CAMK1D: variants seen among roughly 807,000 people sequenced by gnomAD.
The protein encoded by CAMK1D is calcium/calmodulin-dependent protein kinase type 1D.
A neutral mutation model predicts 47.7 loss-of-function variants in CAMK1D; 9 were observed. The observed-to-expected ratio is 0.19, with a 90% CI of 0.11 to 0.33. The LOEUF (loss-of-function observed/expected upper bound fraction) is 0.33. Among genes scored for constraint, CAMK1D ranks in the 10% least tolerant of loss-of-function variants. The pLI is 1.00. For missense variants in CAMK1D, 291 were observed against 488.7 expected (o/e 0.60, Z 3.81); for synonymous variants, 184 against 184.9 (o/e 0.99, Z 0.04).
At chr10:12,629,772 A>G (rs1839323837) in intron 2 of CAMK1D, among the ~76,000 whole-genome samples, 3 of 152,242 alleles carry the variant, frequency 2.0e-5, no homozygotes, top group African/African-American at 7.2e-5. Flanking sequence ...TCCTCGTAGC[A>G]TCCTCAAAAG....
intron 1 of CAMK1D, among the ~76,000 whole-genome samples, chr10:12,541,390 G>C (rs1402118031): frequency 1.3e-5 from 2 of 152,170 alleles, no homozygotes; most frequent in Non-Finnish European, 2.9e-5. Context: ...TTAAGATGGA[G>C]TCTTGCTCTG....
At chr10:12,537,683 C>A (rs1395989032) in intron 1 of CAMK1D, among the ~76,000 whole-genome samples, 2 of 152,154 alleles carry the variant, frequency 1.3e-5, no homozygotes, top group Non-Finnish European at 2.9e-5. Context: ...GTGAGTGCCC[C>A]TGGAATTGTG....
intron 2 of CAMK1D, among the ~76,000 whole-genome samples, chr10:12,620,741 G>C (rs1182371776): frequency 6.6e-6 from 1 of 152,046 alleles, no homozygotes; most frequent in African/African-American, 2.4e-5. Flanking sequence ...CTCTTGATGG[G>C]GTCATTCACA....
chr10:12,650,534 C>T (rs569999876), intron 2 of CAMK1D, among the ~76,000 whole-genome samples: 1 of 152,182 alleles, frequency 6.6e-6, no homozygotes, highest in Non-Finnish European at 1.5e-5. Flanking sequence ...TTTATGAAGC[C>T]TAGGTTTGTG....
At chr10:12,760,730 G>A (rs945069399) in intron 3 of CAMK1D, 7 of 511,484 alleles carry the variant, frequency 1.4e-5, no homozygotes, top group Admixed American at 6.3e-5. Context: ...TCCGTGGATC[G>A]TGTTTTTTTA....
intron 2 of CAMK1D, among the ~76,000 whole-genome samples, chr10:12,606,608 G>A (rs1371804388): frequency 6.6e-6 from 1 of 152,100 alleles, no homozygotes. Context: ...CTAGAACCAG[G>A]GGTTGCACGT....
chr10:12,490,776 C>T (rs1004783922), intron 1 of CAMK1D, among the ~76,000 whole-genome samples: 3 of 152,068 alleles, frequency 2.0e-5, no homozygotes, highest in Admixed American at 6.5e-5. Context: ...ACCCAGGAGG[C>T]GGAGGTTGCA....
intron 3 of CAMK1D, among the ~76,000 whole-genome samples, chr10:12,699,667 GA>G (rs1406793996): frequency 6.7e-6 from 1 of 150,206 alleles, no homozygotes; most frequent in African/African-American, 2.5e-5. Context: ...AAAACAAGAT[GA>G]TTTTTTTTTT....
intron 1 of CAMK1D, among the ~76,000 whole-genome samples, chr10:12,451,614 A>G (rs1300209545): frequency 6.6e-6 from 1 of 152,224 alleles, no homozygotes; most frequent in East Asian, 1.9e-4. Context: ...ATAAATATTA[A>G]TTGTCATTCA....
intron 7 of CAMK1D, among the ~76,000 whole-genome samples, chr10:12,814,524 C>T (rs867118708): frequency 1.3e-5 from 2 of 152,168 alleles, no homozygotes; most frequent in Non-Finnish European, 2.9e-5. Flanking sequence ...CAGATCAATT[C>T]GCCAGCACAT....
intron 3 of CAMK1D, among the ~76,000 whole-genome samples, chr10:12,693,921 A>AT (rs1311854852): frequency 3.8e-5 from 4 of 105,470 alleles, no homozygotes; most frequent in Non-Finnish European, 5.4e-5. Context: ...TATATATAAA[A>AT]ATATATATAA....
chr10:12,827,079 A>C (rs1300731742), intron 10 of CAMK1D, among the ~76,000 whole-genome samples: 1 of 152,184 alleles, frequency 6.6e-6, no homozygotes, highest in Admixed American at 6.5e-5. Context: ...CTGAGCTCAC[A>C]CAGGAATAGG....
chr10:12,766,448 G>GGA lies in CAMK1D; in HGVS notation c.439-3222_439-3221dup, dbSNP rs1157834530. Among the ~76,000 whole-genome samples, 24 of 150,488 alleles carry GGA rather than the reference G, an allele frequency of 1.6e-4. No homozygotes were observed. In the East Asian group the frequency reaches 4.7e-3, roughly 30 times the overall value. Reference sequence around the variant, plus strand: ...CGTACACGTGGCTGACAAAGAAAAGGGAGATGGAGCCTCCATATTGGACAT... The same window carrying GGA: ...CGTACACGTGGCTGACAAAGAAAAGGGAGAGATGGAGCCTCCATATTGGACAT... On this transcript the variant is annotated intron_variant, in intron 4 of 10. Transcript: ENST00000619168.
At chr10:12,636,588 A>T (rs1839518261) in intron 2 of CAMK1D, among the ~76,000 whole-genome samples, 1 of 152,182 alleles carries the variant, frequency 6.6e-6, no homozygotes. Context: ...TCAGCCTCCC[A>T]AAGTGCTGGG....
chr10:12,417,529 C>T (rs1352619290), intron 1 of CAMK1D, among the ~76,000 whole-genome samples: 3 of 152,202 alleles, frequency 2.0e-5, no homozygotes, highest in Admixed American at 1.3e-4. Context: ...AGGGCAGCCT[C>T]TGGGGCTCCG....
rs572588611 is a variant in CAMK1D at position 12,615,717 on chromosome 10, GGT to G, written c.225-51015_225-51014del. Among the ~76,000 whole-genome samples the G allele has an allele frequency of 7.7e-4, 116 of 150,526 alleles. 1 individual carries two copies. The highest frequency in any genetic ancestry group is 2.7e-3 in the African/African-American group (112 of 40,898). On this transcript the variant is annotated intron_variant, in intron 2 of 10. Transcript: ENST00000619168. The stretch of plus-strand genomic sequence containing the variant: ...GTTTGTAGGTGTCTATAGATGTGTA[GGT>G]GTGAGTGTGCATGTGTGTGGGGGTG...
intron 1 of CAMK1D, among the ~76,000 whole-genome samples, chr10:12,419,981 A>T (rs1444138952): frequency 6.6e-6 from 1 of 150,818 alleles, no homozygotes; most frequent in Admixed American, 6.6e-5. Context: ...TTCTCTTGAG[A>T]CAGAGTCTTG....
At chr10:12,541,640 G>A (rs530806717) in intron 1 of CAMK1D, among the ~76,000 whole-genome samples, 39 of 151,614 alleles carry the variant, frequency 2.6e-4, no homozygotes, top group Admixed American at 5.9e-4. Context: ...GATTACAGGC[G>A]TGAGCCACTG....
At chr10:12,736,359 C>T (rs1158358442) in intron 3 of CAMK1D, among the ~76,000 whole-genome samples, 1 of 152,184 alleles carries the variant, frequency 6.6e-6, no homozygotes, top group Admixed American at 6.5e-5. Context: ...CCCAGAGGCT[C>T]AGGTCTCTGA....
Sources: gnomAD v4.1 joint callset for allele counts (sites outside exome capture counted in the v4.1 genomes callset) on GRCh38, gnomAD v4.1.1 for gene constraint, MANE v1.5 for transcripts, NCBI Gene and HGNC (gene_info 2026-07-23, HGNC 2026-07-21) for gene names.